GRIA4: variants seen among roughly 807,000 people sequenced by gnomAD.
GRIA4 encodes glutamate ionotropic receptor AMPA type subunit 4, also known as glutamate receptor 4.
Under a neutral mutation model 104.0 loss-of-function variants are expected in GRIA4, and 34 were observed. The ratio of observed to expected loss-of-function variants is 0.33; its 90% CI spans 0.25 to 0.44. GRIA4 has a LOEUF of 0.44. Ranked by LOEUF, GRIA4 falls within the 20% of genes least tolerant of loss-of-function variation. The pLI is 1.00. For synonymous variants in GRIA4, 386 were observed against 381.9 expected (o/e 1.01, Z -0.13); for missense variants, 750 against 1,096.5 (o/e 0.68, Z 4.46).
At chr11:105,843,404 ATTCAATATATAAC>A (rs1944465152) in intron 4 of GRIA4, among the ~76,000 whole-genome samples, 1 of 152,234 alleles carries the variant, frequency 6.6e-6, no homozygotes, top group Non-Finnish European at 1.5e-5. Flanking sequence ...AAATAATAAC[ATTCAATATATAAC>A]TTATTAGAGC....
intron 3 of GRIA4, among the ~76,000 whole-genome samples, chr11:105,623,669 C>T (rs1435213886): frequency 1.3e-5 from 2 of 152,174 alleles, no homozygotes; most frequent in South Asian, 2.1e-4. Flanking sequence ...TTAAATGTCA[C>T]CTTCTCAGAA....
intron 16 of GRIA4, among the ~76,000 whole-genome samples, chr11:105,976,648 T>C (rs985755114): frequency 2.6e-5 from 4 of 152,004 alleles, no homozygotes; most frequent in African/African-American, 9.7e-5. Flanking sequence ...ATTATGGAAA[T>C]GATTGGTAAT....
intron 3 of GRIA4, among the ~76,000 whole-genome samples, chr11:105,685,207 A>G (rs1043211113): frequency 2.6e-5 from 4 of 151,794 alleles, no homozygotes; most frequent in Admixed American, 2.0e-4. Context: ...GGAAGGAAGG[A>G]AGGAAGTTAA....
chr11:105,965,369 G>A (rs72981944), intron 14 of GRIA4, among the ~76,000 whole-genome samples: 9,834 of 150,308 alleles, frequency 0.065, 475 homozygotes, highest in East Asian at 0.15. Flanking sequence ...GCTGTCTCTT[G>A]ACTACCATGT....
chr11:105,911,886 A>C (rs771055851), intron 10 of GRIA4: 1 of 1,559,110 alleles, frequency 6.4e-7, no homozygotes, highest in Non-Finnish European at 8.8e-7. Flanking sequence ...CCTCTGATGA[A>C]GAATCCTATT....
At chr11:105,724,712 A>G (rs1458560230) in intron 3 of GRIA4, among the ~76,000 whole-genome samples, 1 of 152,132 alleles carries the variant, frequency 6.6e-6, no homozygotes, top group Non-Finnish European at 1.5e-5. Context: ...TGAAGAATAC[A>G]CTAAAAGCCA....
At chr11:105,959,767 A>G in intron 14 of GRIA4, among the ~76,000 whole-genome samples, 1 of 151,806 alleles carries the variant, frequency 6.6e-6, no homozygotes, top group East Asian at 1.9e-4. Context: ...GAGGCTGCTG[A>G]CCCTTGGATG....
chr11:105,717,335 C>T (rs547866576), intron 3 of GRIA4, among the ~76,000 whole-genome samples: 6 of 151,840 alleles, frequency 4.0e-5, no homozygotes, highest in Admixed American at 6.6e-5. Context: ...AAAAAAAAAT[C>T]TTAATGGGAA....
chr11:105,664,412 G>T (rs1462135359), intron 3 of GRIA4, among the ~76,000 whole-genome samples: 1 of 150,572 alleles, frequency 6.6e-6, no homozygotes, highest in African/African-American at 2.4e-5. Context: ...AAGAGGTATG[G>T]GCACAAACAG....
intron 3 of GRIA4, among the ~76,000 whole-genome samples, chr11:105,691,485 T>C (rs962111307): frequency 7.9e-5 from 12 of 152,198 alleles, no homozygotes; most frequent in African/African-American, 2.7e-4. Flanking sequence ...AATAAGTAGT[T>C]TGCTTGGCTT....
chr11:105,845,361 T>C (rs1052740908), intron 4 of GRIA4, among the ~76,000 whole-genome samples: 1 of 152,122 alleles, frequency 6.6e-6, no homozygotes, highest in Non-Finnish European at 1.5e-5. Flanking sequence ...TTGGCCGTTA[T>C]GATCTAGCCT....
rs1333401771 is a variant in GRIA4, at chr11:105,734,649, C to T, written c.248-18332C>T. On this transcript the variant is annotated intron_variant, in intron 3 of 16. Transcript: ENST00000282499. ...TATTACTTCCTCTTCAGCCTTATCACTCACCACTTCCCCTCCCTCTCAGAC... is the reference window on the plus strand; with the variant it reads ...TATTACTTCCTCTTCAGCCTTATCATTCACCACTTCCCCTCCCTCTCAGAC... 2.0e-5 allele frequency among the ~76,000 whole-genome samples: 3 copies of T among 152,130 alleles called. No homozygotes were observed. In the East Asian group the frequency reaches 5.8e-4, roughly 29 times the overall value.
chr11:105,797,558 C>A (rs1942534009), intron 4 of GRIA4, among the ~76,000 whole-genome samples: 1 of 152,084 alleles, frequency 6.6e-6, no homozygotes, highest in Non-Finnish European at 1.5e-5. Context: ...AACTTATTCC[C>A]CAATTTCACC....
chr11:105,668,675 G>GTTTTTTTT lies in GRIA4; in HGVS notation c.247+56242_247+56243insTTTTTTTT, dbSNP rs368844903. On this transcript the variant is annotated intron_variant, in intron 3 of 16. Coordinates refer to ENST00000282499, the MANE Select transcript of GRIA4 (RefSeq NM_000829.4). ...TCCTTGACAACACTTATTATCTTTT[G>GTTTTTTTT]TCTTTTTTTTTTTTTTTGAGATAGA... 9.9e-5 allele frequency among the ~76,000 whole-genome samples: 12 copies of GTTTTTTTT among 121,426 alleles called. 1 individual carries two copies. The highest frequency in any genetic ancestry group is 1.3e-4 in the Non-Finnish European group (8 of 59,826). The allele number at this position is 121,426 out of a possible 152,430, so 79.7% of individuals were successfully genotyped here.
At chr11:105,854,377 G>T (rs1409523225) in intron 4 of GRIA4, among the ~76,000 whole-genome samples, 1 of 152,164 alleles carries the variant, frequency 6.6e-6, no homozygotes, top group African/African-American at 2.4e-5. Flanking sequence ...GCACAGCAGG[G>T]TGAAGCCTGA....
At chr11:105,861,883 A>C in intron 4 of GRIA4, 141 bp from the exon 5 acceptor site, 3 of 599,984 alleles carry the variant, frequency 5.0e-6, no homozygotes, top group Non-Finnish European at 8.9e-6. Context: ...TAAATTATTC[A>C]GAAATAACCA....
chr11:105,818,460 A>G (rs2135894177), intron 4 of GRIA4, among the ~76,000 whole-genome samples: 1 of 152,300 alleles, frequency 6.6e-6, no homozygotes, highest in East Asian at 1.9e-4. Flanking sequence ...TCACAGGTAA[A>G]GAACGAATCT....
chr11:105,729,668 G>C (rs1044892548), intron 3 of GRIA4, among the ~76,000 whole-genome samples: 2 of 152,190 alleles, frequency 1.3e-5, no homozygotes, highest in African/African-American at 4.8e-5. Flanking sequence ...CCTGGATCAA[G>C]TGGGCTTTGT....
chr11:105,639,785 G>C (rs1951307982), intron 3 of GRIA4, among the ~76,000 whole-genome samples: 1 of 151,938 alleles, frequency 6.6e-6, no homozygotes, highest in South Asian at 2.1e-4. Context: ...TTTAGTTAGT[G>C]TCCAGTGTTC....
Sources: allele counts gnomAD v4.1 joint callset (sites outside exome capture counted in the v4.1 genomes callset), GRCh38; gene constraint gnomAD v4.1.1; transcripts MANE v1.5; gene names NCBI Gene and HGNC (gene_info 2026-07-23, HGNC 2026-07-21).